The following ADARB2 variants were observed in gnomAD, a reference collection of about 807,000 sequenced individuals.
ADARB2 encodes the protein adenosine deaminase RNA specific B2 (inactive).
A neutral mutation model predicts 62.2 loss-of-function variants in ADARB2; 25 were observed. The ratio of observed to expected loss-of-function variants is 0.40; its 90% CI spans 0.29 to 0.56. The LOEUF (loss-of-function observed/expected upper bound fraction) is 0.56. Ranked by LOEUF, ADARB2 falls within the 20% of genes least tolerant of loss-of-function variation. ADARB2 has a pLI of 0.43. For synonymous variants in ADARB2, 572 were observed against 500.8 expected (o/e 1.14, Z -1.90); for missense variants, 1,071 against 1,077.4 (o/e 0.99, Z 0.08).
intron 1 of ADARB2, among the ~76,000 whole-genome samples, chr10:1,596,934 G>T (rs1046712995): frequency 6.6e-6 from 1 of 152,048 alleles, no homozygotes; most frequent in Non-Finnish European, 1.5e-5. Flanking sequence ...AAAAGGGAAT[G>T]GGGGGGCTTC....
At chr10:1,615,171 A>G (rs1463312894) in intron 1 of ADARB2, among the ~76,000 whole-genome samples, 1 of 152,202 alleles carries the variant, frequency 6.6e-6, no homozygotes. Flanking sequence ...ACAGGGTATG[A>G]AGGAAAGTTC....
chr10:1,233,915 C>T, intron 5 of ADARB2, 70 bp from the exon 6 acceptor site: 4 of 1,456,418 alleles, frequency 2.7e-6, no homozygotes, highest in South Asian at 1.4e-5. Flanking sequence ...CAGGTGAACG[C>T]TTGAGTCCTG....
chr10:1,627,906 C>G (rs1028867593), intron 1 of ADARB2, among the ~76,000 whole-genome samples: 1 of 152,206 alleles, frequency 6.6e-6, no homozygotes, highest in Admixed American at 6.5e-5. Context: ...AGGGCATCAG[C>G]CATGGAGAAG....
intron 1 of ADARB2, among the ~76,000 whole-genome samples, chr10:1,567,610 A>C (rs946215567): frequency 3.3e-5 from 5 of 152,316 alleles, no homozygotes; most frequent in African/African-American, 1.2e-4. Context: ...GTGGCCAGGC[A>C]TGGAGGCTTC....
intron 2 of ADARB2, among the ~76,000 whole-genome samples, chr10:1,375,682 T>C (rs958584473): frequency 1.3e-5 from 2 of 152,218 alleles, no homozygotes; most frequent in East Asian, 3.9e-4. Context: ...GGCAAGGTCA[T>C]GTGTGCTCCT....
intron 1 of ADARB2, among the ~76,000 whole-genome samples, chr10:1,640,286 G>A (rs10903520): frequency 0.29 from 44,600 of 152,096 alleles, 7,465 homozygotes; most frequent in East Asian, 0.44. Flanking sequence ...CTCTCCTTCT[G>A]AACGCCTGCT....
chr10:1,717,324 C>T (rs529596521), intron 1 of ADARB2, among the ~76,000 whole-genome samples: 2 of 151,564 alleles, frequency 1.3e-5, no homozygotes, highest in Non-Finnish European at 2.9e-5. Context: ...GCCCTGGGGA[C>T]CCCAGGGCAG....
intron 2 of ADARB2, among the ~76,000 whole-genome samples, chr10:1,365,712 G>A (rs1832308470): frequency 1.3e-5 from 2 of 152,152 alleles, no homozygotes; most frequent in Admixed American, 1.3e-4. Flanking sequence ...TGGGAGCTTC[G>A]GGCAAGAATA....
Position 1,439,541 on chromosome 10 carries a change from TCC to T in ADARB2, c.101-60383_101-60382del, listed in dbSNP as rs1373202678. Among the ~76,000 whole-genome samples, 60 of 113,250 alleles carry T rather than the reference TCC, an allele frequency of 5.3e-4. 1 individual carries two copies. The highest frequency in any genetic ancestry group is 1.8e-3 in the African/African-American group (60 of 33,836). 74.3% of individuals were successfully genotyped at this position (113,250 alleles called of 152,430 possible). A position where few individuals can be genotyped will look rare whatever the true frequency, so the allele number is the denominator to read the frequency against. On this transcript the variant is annotated intron_variant, in intron 1 of 9. Transcript: ENST00000381312. ...CCCTTCACGATGGGGCTCCTGAGTCTCCTCAGCAGATGGAGGCAGGTCCTTCA... is the reference window on the plus strand; with the variant it reads ...CCCTTCACGATGGGGCTCCTGAGTCTTCAGCAGATGGAGGCAGGTCCTTCA...
At chr10:1,621,183 T>A (rs190034409) in intron 1 of ADARB2, among the ~76,000 whole-genome samples, 23 of 152,350 alleles carry the variant, frequency 1.5e-4, no homozygotes, top group Admixed American at 1.3e-3. Flanking sequence ...TAAAATGTAT[T>A]CATTTGTAGA....
At chr10:1,446,989 A>C (rs1215594897) in intron 1 of ADARB2, among the ~76,000 whole-genome samples, 2 of 152,216 alleles carry the variant, frequency 1.3e-5, no homozygotes, top group Admixed American at 1.3e-4. Flanking sequence ...TCATTTAGGA[A>C]ATATTTGAAA....
At chr10:1,379,254 G>T in intron 1 of ADARB2, 94 bp from the exon 2 acceptor site, 3 of 1,051,310 alleles carry the variant, frequency 2.9e-6, no homozygotes, top group Non-Finnish European at 4.4e-6. Flanking sequence ...GTTGGACAAG[G>T]GAGGTGGAGA....
chr10:1,403,253 G>A (rs866000772), intron 1 of ADARB2, among the ~76,000 whole-genome samples: 1 of 152,190 alleles, frequency 6.6e-6, no homozygotes, highest in African/African-American at 2.4e-5. Flanking sequence ...AACCAAAGAG[G>A]TCCTGATTCG....
rs979791244 is a variant in ADARB2, at chr10:1,610,820, A to G, written c.100+126231T>C. ...CACATGCACACATACAGACACATACAGACACAGACATGCACACACAAAGAC... is the reference window on the plus strand; with the variant it reads ...CACATGCACACATACAGACACATACGGACACAGACATGCACACACAAAGAC... On this transcript the variant is annotated intron_variant, in intron 1 of 9. Transcript: ENST00000381312. Among the ~76,000 whole-genome samples the G allele has an allele frequency of 2.8e-5, 3 of 107,834 alleles. No homozygotes were observed. The East Asian group carries it at 6.8e-4, about 24-fold the overall frequency. 70.7% of individuals were successfully genotyped at this position (107,834 alleles called of 152,430 possible). A position where few individuals can be genotyped will look rare whatever the true frequency, so the allele number is the denominator to read the frequency against.
chr10:1,277,359 G>T (rs1589175027), intron 3 of ADARB2, among the ~76,000 whole-genome samples: 1 of 152,242 alleles, frequency 6.6e-6, no homozygotes, highest in Non-Finnish European at 1.5e-5. Flanking sequence ...TAGACCGCTA[G>T]CAAGACTAAT....
At chr10:1,689,485 T>C (rs1055633579) in intron 1 of ADARB2, among the ~76,000 whole-genome samples, 4 of 152,314 alleles carry the variant, frequency 2.6e-5, no homozygotes, top group South Asian at 2.1e-4. Context: ...TGTGTCCCTC[T>C]CTGGGGTTCT....
chr10:1,275,068 A>G (rs1033062936), intron 3 of ADARB2, among the ~76,000 whole-genome samples: 2 of 152,220 alleles, frequency 1.3e-5, no homozygotes, highest in African/African-American at 4.8e-5. Flanking sequence ...CTATGAACCA[A>G]GCAGCGTGAG....
chr10:1,186,495 G>A, intron 8 of ADARB2: 1 of 519,040 alleles, frequency 1.9e-6, no homozygotes, highest in South Asian at 1.4e-5. Context: ...CACCTGCATG[G>A]CCTCTACCTG....
chr10:1,278,083 C>T (rs1240074361), intron 3 of ADARB2, among the ~76,000 whole-genome samples: 3 of 152,068 alleles, frequency 2.0e-5, no homozygotes, highest in Non-Finnish European at 4.4e-5. Flanking sequence ...AATTCTAGTG[C>T]CTCAGCCTCC....
Sources: gnomAD v4.1 joint callset for allele counts (sites outside exome capture counted in the v4.1 genomes callset) on GRCh38, gnomAD v4.1.1 for gene constraint, MANE v1.5 for transcripts, NCBI Gene and HGNC (gene_info 2026-07-23, HGNC 2026-07-21) for gene names.